ARL5C: variants seen among roughly 807,000 people sequenced by gnomAD.
ARL5C encodes the protein putative ADP-ribosylation factor-like protein 5C.
A neutral mutation model predicts 20.8 loss-of-function variants in ARL5C; 21 were observed. The ratio of observed to expected loss-of-function variants is 1.01; its 90% CI spans 0.72 to 1.46. ARL5C has a LOEUF of 1.46. Among genes scored for constraint, ARL5C ranks in the 40% most tolerant of loss-of-function variants. ARL5C has a pLI of 0.00. For missense variants in ARL5C, 199 were observed against 225.1 expected, an observed-to-expected ratio of 0.88 and a Z score of 0.74; for synonymous variants, 71 against 81.6, an observed-to-expected ratio of 0.87 and a Z score of 0.70.
chr17:39,165,179 C>A, intron 1 of ARL5C, 40 bp from the exon 2 acceptor site: 1 of 1,548,074 alleles, frequency 6.5e-7, no homozygotes, highest in Non-Finnish European at 8.7e-7. Flanking sequence ...GGGCCAAACC[C>A]GAAGACCAAG....
Position 39,156,906 on chromosome 17 carries a change from G to A in ARL5C, c.528C>T (p.Ala176=), listed in dbSNP as rs779369056. Residue 176 remains alanine, a synonymous_variant, in exon 6 of 6, where the codon GCC becomes GCT. Transcript: ENST00000269586. ...TCAGACTGGAACATCAGTTAGCAGC[G>A]GCCTGAGATTCCATCCACTGAAGTC... ...PARLQWMESQ[A]AAN 3.9e-6 allele frequency: 6 copies of A among 1,551,854 alleles called. No homozygotes were observed. The highest frequency in any genetic ancestry group is 2.4e-5 in the East Asian group (1 of 41,070).
rs868759291 is a variant in ARL5C at position 39,166,127 on chromosome 17, C to G, written c.-367G>C. On this transcript the variant is annotated 5_prime_UTR_variant, in exon 1 of 6. Transcript: ENST00000269586. ...GCGCGCGGAACCGGATCCCAGCTCT[C>G]CCTCCTCTGAGTGCCATGTCTAGGG... 1.7e-5 allele frequency: 5 copies of G among 292,572 alleles called. No individual in the cohort carries two copies. In the Admixed American group the frequency reaches 2.3e-4, roughly 13 times the overall value. The allele number at this position is 292,572 out of a possible 1,614,324, so 18.1% of individuals were successfully genotyped here. A position where few individuals can be genotyped will look rare whatever the true frequency, so the allele number is the denominator to read the frequency against.
intron 5 of ARL5C, among the ~76,000 whole-genome samples, chr17:39,158,141 AAGGAAGGAAGAG>A (rs935614905): frequency 3.0e-5 from 4 of 133,176 alleles, no homozygotes; most frequent in African/African-American, 8.6e-5. Context: ...GGAAGGAAGG[AAGGAAGGAAGAG>A]AGGGAGGAAG....
intron 5 of ARL5C, among the ~76,000 whole-genome samples, chr17:39,159,197 GT>G (rs35119781): frequency 0.063 from 6,123 of 97,246 alleles, 62 homozygotes; most frequent in East Asian, 0.095. Context: ...ACATCCAGCG[GT>G]TTTTTTTTTT....
chr17:39,161,758 C>T (rs2045436513), intron 3 of ARL5C, among the ~76,000 whole-genome samples: 1 of 152,180 alleles, frequency 6.6e-6, no homozygotes, highest in African/African-American at 2.4e-5. Flanking sequence ...AGGTCATCTG[C>T]CTGCCTCAGC....
At position 39,166,034 on chromosome 17, in the gene ARL5C, C is replaced by T; in HGVS notation, c.-274G>A. ...TCCAGGCTCCAGCCCTCCCCCTCGC[C>T]CTGCGAAAACTCCTGAGTTCTCCGG... On this transcript the variant is annotated 5_prime_UTR_variant, in exon 1 of 6. Transcript: ENST00000269586. The T allele has an allele frequency of 2.0e-6, 1 of 489,190 alleles. No individual in the cohort carries two copies. The highest frequency in any genetic ancestry group is 3.7e-6 in the Non-Finnish European group (1 of 269,508). The allele number at this position is 489,190 out of a possible 1,614,324, so 30.3% of individuals were successfully genotyped here.
At chr17:39,158,044 G>T (rs997591613) in intron 5 of ARL5C, among the ~76,000 whole-genome samples, 2 of 151,620 alleles carry the variant, frequency 1.3e-5, no homozygotes, top group Non-Finnish European at 1.5e-5. Flanking sequence ...CTTGCAGTGA[G>T]CCGAGATCGC....
intron 5 of ARL5C, among the ~76,000 whole-genome samples, chr17:39,158,727 G>C (rs185934214): frequency 6.6e-6 from 1 of 152,124 alleles, no homozygotes; most frequent in African/African-American, 2.4e-5. Context: ...ACGTGGCCCA[G>C]CTCCTTAAAA....
At chr17:39,163,362 C>CTTTCT (rs1555576121) in intron 2 of ARL5C, among the ~76,000 whole-genome samples, 2 of 123,812 alleles carry the variant, frequency 1.6e-5, no homozygotes, top group Non-Finnish European at 3.0e-5. Flanking sequence ...TTCTTTCTTT[C>CTTTCT]TTTCTTTCTT....
chr17:39,161,575 G>A (rs374284453), intron 3 of ARL5C, among the ~76,000 whole-genome samples: 4 of 150,972 alleles, frequency 2.6e-5, no homozygotes, highest in Admixed American at 1.3e-4. Flanking sequence ...GTGCAGTGGC[G>A]CAATCTTGGT....
intron 5 of ARL5C, among the ~76,000 whole-genome samples, chr17:39,159,727 C>G (rs962846001): frequency 1.3e-5 from 2 of 152,208 alleles, no homozygotes; most frequent in African/African-American, 4.8e-5. Flanking sequence ...AGAACAGTAC[C>G]TGGCACAAAG....
chr17:39,165,686 C>T (rs1242823036), intron 1 of ARL5C, 29 bp downstream of exon 1: 14 of 1,551,780 alleles, frequency 9.0e-6, no homozygotes, highest in Non-Finnish European at 1.2e-5. Context: ...GATCAAAGCG[C>T]TCGCTTGGAT....
intron 4 of ARL5C, 91 bp downstream of exon 4, chr17:39,161,177 C>T: frequency 2.4e-6 from 3 of 1,253,492 alleles, no homozygotes; most frequent in Non-Finnish European, 3.4e-6. Context: ...GAAACTGGGA[C>T]AGCAGGAACG....
rs1229613519 is a variant in ARL5C at position 39,166,063 on chromosome 17, G to A, written c.-303C>T. ...CGAAAACTCCTGAGTTCTCCGGGTGGACTGCTCCACTACCGCAAATCAGGG... is the reference window on the plus strand; with the variant it reads ...CGAAAACTCCTGAGTTCTCCGGGTGAACTGCTCCACTACCGCAAATCAGGG... On this transcript the variant is annotated 5_prime_UTR_variant, in exon 1 of 6. Coordinates refer to ENST00000269586, the MANE Select transcript of ARL5C (RefSeq NM_001143968.1). 2 of 434,818 alleles carry A rather than the reference G, an allele frequency of 4.6e-6. No homozygotes were observed. Among genetic ancestry groups the A allele is most frequent in the Non-Finnish European group, 8.5e-6 (2 of 235,914 alleles). 26.9% of individuals were successfully genotyped at this position (434,818 alleles called of 1,614,324 possible). A position where few individuals can be genotyped will look rare whatever the true frequency, so the allele number is the denominator to read the frequency against.
At position 39,165,792 on chromosome 17, in the gene ARL5C, G is replaced by T. The variant is rs1164027242; in HGVS notation, c.-32C>A. ...TCCCGGGCCGGACAGGTGCAGGAGG[G>T]CTCAGCGGCCTCAGGAGCGGAGTCG... On this transcript the variant is annotated 5_prime_UTR_variant, in exon 1 of 6. Transcript: ENST00000269586. The T allele has an allele frequency of 5.2e-6, 8 of 1,551,310 alleles. No homozygotes were observed. The highest frequency in any genetic ancestry group is 6.1e-6 in the Non-Finnish European group (7 of 1,146,894).
chr17:39,164,956 A>G (rs992180788), intron 2 of ARL5C, 123 bp downstream of exon 2: 113 of 979,610 alleles, frequency 1.2e-4, no homozygotes, highest in Admixed American at 1.7e-4. Flanking sequence ...AGCGTGCCCA[A>G]TCGCTCCTCC....
intron 2 of ARL5C, among the ~76,000 whole-genome samples, chr17:39,164,788 G>A (rs1307594911): frequency 6.6e-6 from 1 of 152,178 alleles, no homozygotes; most frequent in African/African-American, 2.4e-5. Flanking sequence ...TAGAGGGAGC[G>A]AAGAGCAGGG....
chr17:39,165,608 C>T, intron 1 of ARL5C, 107 bp downstream of exon 1: 2 of 1,419,388 alleles, frequency 1.4e-6, no homozygotes, highest in Non-Finnish European at 1.9e-6. Context: ...CGCCCATATA[C>T]GACCCTCGGA....
chr17:39,159,996 T>C (rs1361629209), intron 5 of ARL5C, among the ~76,000 whole-genome samples: 4 of 152,162 alleles, frequency 2.6e-5, no homozygotes, highest in Non-Finnish European at 5.9e-5. Flanking sequence ...CTCCCTTCCA[T>C]TTCTGGTAAC....
Sources: gnomAD v4.1 joint callset for allele counts (sites outside exome capture counted in the v4.1 genomes callset) on GRCh38, gnomAD v4.1.1 for gene constraint, MANE v1.5 for transcripts, NCBI Gene and HGNC (gene_info 2026-07-23, HGNC 2026-07-21) for gene names.